The following SH3PXD2A variants were observed in gnomAD, a reference collection of about 807,000 sequenced individuals.
SH3PXD2A encodes SH3 and PX domain-containing protein 2A.
A neutral mutation model predicts 115.2 loss-of-function variants in SH3PXD2A; 32 were observed. The observed-to-expected ratio is 0.28, with a 90% CI of 0.21 to 0.37. The LOEUF is 0.37. Among genes scored for constraint, SH3PXD2A ranks in the 10% least tolerant of loss-of-function variants. The pLI is 1.00. For missense variants in SH3PXD2A, 1,328 were observed against 1,498.7 expected (o/e 0.89, Z 1.88); for synonymous variants, 610 against 629.1 (o/e 0.97, Z 0.45).
In SH3PXD2A at chr10:103,603,272, G is replaced by A. The variant is rs748881031; in HGVS notation, c.1946C>T (p.Ser649Leu). ...GGAGTTTTTCCTGGTCAGGGACAGC[G>A]AGGAGCTGCCTGGGGAGTCGCTGTC... Reference protein sequence around the residue: ...SGDSDSPGSSSLSLTRKNSPK... With the variant: ...SGDSDSPGSSLLSLTRKNSPK... The change falls in exon 15 of 15, where the codon TCG becomes TTG. Residue 649 changes from serine (S) to leucine (L), a missense_variant. Around this residue, in one of 5 missense-constraint regions of SH3PXD2A, gnomAD observed 574 missense variants for 565.7 expected, o/e 1.01. Transcript: ENST00000369774. The A allele has an allele frequency of 5.6e-6, 9 of 1,613,952 alleles. No homozygotes were observed. Among genetic ancestry groups the A allele is most frequent in the African/African-American group, 2.7e-5 (2 of 74,932 alleles).
At chr10:103,778,096 G>A (rs2038897477) in intron 2 of SH3PXD2A, among the ~76,000 whole-genome samples, 2 of 152,230 alleles carry the variant, frequency 1.3e-5, no homozygotes, top group African/African-American at 4.8e-5. Context: ...TTGGAAAGCC[G>A]AGGCAGGAGG....
At chr10:103,821,640 C>T (rs866491046) in intron 1 of SH3PXD2A, among the ~76,000 whole-genome samples, 1 of 152,020 alleles carries the variant, frequency 6.6e-6, no homozygotes. Flanking sequence ...GCAGCCTCGA[C>T]CTCCTGGGCT....
chr10:103,692,824 G>C (rs915215560), intron 6 of SH3PXD2A, among the ~76,000 whole-genome samples: 4 of 152,182 alleles, frequency 2.6e-5, no homozygotes, highest in African/African-American at 9.7e-5. Context: ...AGGCGAACGA[G>C]GGTTCTAGGA....
At chr10:103,736,750 C>T in intron 3 of SH3PXD2A, 1 of 1,288,272 alleles carries the variant, frequency 7.8e-7, no homozygotes, top group Non-Finnish European at 1.0e-6. Flanking sequence ...ATTTTGGGGC[C>T]CATGAGCTTG....
rs184066612 is a variant in SH3PXD2A, at chr10:103,597,442, G to C, written c.*4374C>G. On this transcript the variant is annotated 3_prime_UTR_variant, in exon 15 of 15. Coordinates refer to ENST00000369774, the MANE Select transcript of SH3PXD2A (RefSeq NM_001394015.1). ...TAGGCCAGGTCTCTCTGAGCAGCTG[G>C]CTGCACCACAACAGAAATCAAAACA... 6.6e-6 allele frequency: 1 copy of C among 152,282 alleles called. No individual in the cohort carries two copies. The highest frequency in any genetic ancestry group is 1.5e-5 in the Non-Finnish European group (1 of 68,116). The allele number at this position is 152,282 out of a possible 1,614,324, so 9.4% of individuals were successfully genotyped here.
intron 3 of SH3PXD2A, among the ~76,000 whole-genome samples, chr10:103,749,355 C>T (rs776993310): frequency 6.6e-6 from 1 of 152,240 alleles, no homozygotes; most frequent in Non-Finnish European, 1.5e-5. Flanking sequence ...GAGAGGGTCA[C>T]GCTTTGCCCA....
At chr10:103,702,038 TCATCCATCTATCCATCCACCATCATC>T (rs1198095942) in intron 5 of SH3PXD2A, among the ~76,000 whole-genome samples, 1 of 142,382 alleles carries the variant, frequency 7.0e-6, no homozygotes, top group African/African-American at 3.0e-5. Flanking sequence ...CCACCATCCA[TCATCCATCTATCCATCCACCATCATC>T]CATCCATCTA....
intron 5 of SH3PXD2A, among the ~76,000 whole-genome samples, chr10:103,702,084 C>T (rs1411594944): frequency 6.6e-6 from 1 of 151,816 alleles, no homozygotes; most frequent in Non-Finnish European, 1.5e-5. Flanking sequence ...ATCCATCATC[C>T]ATCCACCTAT....
At chr10:103,698,066 G>C (rs1444385250) in intron 5 of SH3PXD2A, among the ~76,000 whole-genome samples, 1 of 152,222 alleles carries the variant, frequency 6.6e-6, no homozygotes, top group African/African-American at 2.4e-5. Flanking sequence ...CCACGCTGAG[G>C]CCCACTAGGG....
intron 8 of SH3PXD2A, among the ~76,000 whole-genome samples, chr10:103,660,690 G>A (rs1259251037): frequency 3.3e-5 from 5 of 152,256 alleles, no homozygotes; most frequent in Admixed American, 3.3e-4. Flanking sequence ...GGGCCTCCGA[G>A]GGCACGGGGA....
intron 3 of SH3PXD2A, 31 bp downstream of exon 3, chr10:103,767,063 C>A (rs1266746801): frequency 6.4e-7 from 1 of 1,567,068 alleles, no homozygotes; most frequent in Non-Finnish European, 8.8e-7. Context: ...CGGGTATCCC[C>A]CATCCCTGGG....
chr10:103,619,001 C>G (rs568639273), intron 10 of SH3PXD2A, among the ~76,000 whole-genome samples: 31 of 152,314 alleles, frequency 2.0e-4, no homozygotes, highest in Middle Eastern at 3.4e-3. Flanking sequence ...GAAGACAGAA[C>G]TGATGGGCTA....
At chr10:103,661,879 C>A (rs2037310479) in intron 7 of SH3PXD2A, 4 of 985,120 alleles carry the variant, frequency 4.1e-6, no homozygotes, top group African/African-American at 1.7e-5. Flanking sequence ...AGAAAGTCCC[C>A]GCGCCAGCGG....
At chr10:103,636,495 CCAGA>C (rs1304887574) in intron 8 of SH3PXD2A, among the ~76,000 whole-genome samples, 5 of 151,586 alleles carry the variant, frequency 3.3e-5, no homozygotes, top group African/African-American at 1.2e-4. Context: ...AAAGAGTGAG[CCAGA>C]CAGAGCAAGA....
chr10:103,716,493 C>T (rs886713617), intron 5 of SH3PXD2A, among the ~76,000 whole-genome samples: 1 of 152,204 alleles, frequency 6.6e-6, no homozygotes, highest in African/African-American at 2.4e-5. Context: ...ATCTGCTCCT[C>T]CCATGCAATG....
At chr10:103,826,277 T>C (rs539369046) in intron 1 of SH3PXD2A, among the ~76,000 whole-genome samples, 3 of 152,240 alleles carry the variant, frequency 2.0e-5, no homozygotes, top group South Asian at 2.1e-4. Context: ...GGCACATCCA[T>C]GCTATCATCA....
intron 13 of SH3PXD2A, among the ~76,000 whole-genome samples, chr10:103,606,376 ATTT>A (rs34117845): frequency 1.3e-5 from 1 of 78,278 alleles, no homozygotes. Flanking sequence ...CACCTGGTTA[ATTT>A]TTTTTTTTTT....
intron 1 of SH3PXD2A, among the ~76,000 whole-genome samples, chr10:103,839,542 G>A (rs571888628): frequency 5.5e-4 from 83 of 152,134 alleles, no homozygotes; most frequent in Non-Finnish European, 9.3e-4. Flanking sequence ...TGAGAAAACC[G>A]AGGTGCAGAA....
At chr10:103,847,656 A>G (rs1017271828) in intron 1 of SH3PXD2A, among the ~76,000 whole-genome samples, 1 of 152,176 alleles carries the variant, frequency 6.6e-6, no homozygotes, top group African/African-American at 2.4e-5. Flanking sequence ...AAACAAGTTC[A>G]GGCCAGGCGC....
Sources: gnomAD v4.1 joint callset for allele counts (sites outside exome capture counted in the v4.1 genomes callset) on GRCh38, gnomAD v4.1.1 for gene constraint, gnomAD v4.1.1 regional missense constraint, MANE v1.5 for transcripts, NCBI Gene and HGNC (gene_info 2026-07-23, HGNC 2026-07-21) for gene names.